Variants in GHRL observed in about 807,000 individuals in gnomAD.
GHRL encodes appetite-regulating hormone.
A neutral mutation model predicts 16.9 loss-of-function variants in GHRL; 24 were observed. The observed-to-expected ratio is 1.42, with a 90% confidence interval of 1.03 to 2.00. The LOEUF is 2.00. GHRL is among the 30% of genes most tolerant of loss of function. The pLI is 0.00. For synonymous variants in GHRL, 63 were observed against 58.2 expected (o/e 1.08, Z -0.37); for missense variants, 193 against 142.1 (o/e 1.36, Z -1.82).
chr3:10,291,403 T>C lies in GHRL; in HGVS notation c.-717A>G, dbSNP rs1044670926. On this transcript the variant is annotated 5_prime_UTR_variant, in exon 2 of 6. Transcript: ENST00000335542. ...TTGCCTTGCCTCCCTCCAGCAGCTT[T>C]GGTCCCTATTTTAGCGGATGCCTCT... The C allele has an allele frequency of 3.0e-6, 3 of 985,578 alleles. No homozygotes were observed. Among genetic ancestry groups the C allele is most frequent in the East Asian group, 1.1e-4 (1 of 8,816 alleles). 61.1% of individuals were successfully genotyped at this position (985,578 alleles called of 1,614,324 possible).
intron 4 of GHRL, among the ~76,000 whole-genome samples, chr3:10,288,703 A>G (rs1385557260): frequency 1.3e-5 from 2 of 152,204 alleles, no homozygotes; most frequent in African/African-American, 4.8e-5. Flanking sequence ...CGACGGCTTT[A>G]TTCCTCGACT....
intron 4 of GHRL, 44 bp downstream of exon 4, chr3:10,289,718 C>G: frequency 8.2e-7 from 1 of 1,223,026 alleles, no homozygotes; most frequent in Non-Finnish European, 1.2e-6. Flanking sequence ...CCTGACCCCA[C>G]CCTCCTCGCT....
At chr3:10,289,171 G>A (rs970979492) in intron 4 of GHRL, among the ~76,000 whole-genome samples, 1 of 152,224 alleles carries the variant, frequency 6.6e-6, no homozygotes, top group Non-Finnish European at 1.5e-5. Flanking sequence ...AGAAAACCCC[G>A]TAAAATCCTT....
chr3:10,286,621 TG>T (rs1699110525), intron 5 of GHRL, 82 bp downstream of exon 5: 1 of 722,120 alleles, frequency 1.4e-6, no homozygotes, highest in Admixed American at 2.2e-5. Flanking sequence ...AGGCAGAGGT[TG>T]GGGAAAACTC....
chr3:10,285,981 G>T, intron 5 of GHRL, 87 bp from the exon 6 acceptor site: 2 of 1,193,696 alleles, frequency 1.7e-6, no homozygotes, highest in South Asian at 1.3e-5. Flanking sequence ...GAGGTGGGAT[G>T]TAATGGTGGG....
rs955771013 is a variant in GHRL, at chr3:10,291,479, C to T, written c.-765-28G>A. On this transcript the variant is annotated intron_variant, in intron 1 of 5. Transcript: ENST00000335542. Reference sequence around the variant, plus strand: ...GGAGGTGGAAGATCTACGCTTAGCACGGGCCTGGCTCCTCTCTCATTGACT... The same window carrying T: ...GGAGGTGGAAGATCTACGCTTAGCATGGGCCTGGCTCCTCTCTCATTGACT... 39 of 985,038 alleles carry T rather than the reference C, an allele frequency of 4.0e-5. No homozygotes were observed. The African/African-American group carries it at 4.5e-4, about 11-fold the overall frequency. 61.0% of individuals were successfully genotyped at this position (985,038 alleles called of 1,614,324 possible).
rs1314958419 is a variant in GHRL, at chr3:10,291,099, T to C, written c.-413A>G. 1.0e-6 allele frequency: 1 copy of C among 985,562 alleles called. No individual in the cohort carries two copies. Among genetic ancestry groups the C allele is most frequent in the East Asian group, 1.1e-4 (1 of 8,838 alleles). The allele number at this position is 985,562 out of a possible 1,614,324, so 61.1% of individuals were successfully genotyped here. ...CTCCCTGGGTAAAATGAGGCTGTCATCACTAGGAGAGCTCTGAGACCTCCC... is the reference window on the plus strand; with the variant it reads ...CTCCCTGGGTAAAATGAGGCTGTCACCACTAGGAGAGCTCTGAGACCTCCC... On this transcript the variant is annotated 5_prime_UTR_variant, in exon 2 of 6. It removes an upstream start codon present in the reference 5' UTR. Coordinates refer to ENST00000335542, the MANE Select transcript of GHRL (RefSeq NM_016362.5).
intron 4 of GHRL, chr3:10,288,055 G>A (rs1052550265): frequency 3.3e-5 from 5 of 151,834 alleles, no homozygotes; most frequent in African/African-American, 7.3e-5. Context: ...CAGGAGCACC[G>A]GTCTGGGAAA....
In GHRL at chr3:10,290,930, G is replaced by C; in HGVS notation, c.-244C>G. 1 of 985,744 alleles carries C rather than the reference G, an allele frequency of 1.0e-6. No homozygotes were observed. Among genetic ancestry groups the C allele is most frequent in the Non-Finnish European group, 1.2e-6 (1 of 830,084 alleles). The allele number at this position is 985,744 out of a possible 1,614,324, so 61.1% of individuals were successfully genotyped here. On this transcript the variant is annotated 5_prime_UTR_variant, in exon 2 of 6. Coordinates refer to ENST00000335542, the MANE Select transcript of GHRL (RefSeq NM_016362.5). ...CGGAATTGCTGGGTTGGCGAGGGAA[G>C]AAGCATGTGCTCCAGCTGTCCCTGG...
At chr3:10,287,634 A>C (rs1699273177) in intron 4 of GHRL, among the ~76,000 whole-genome samples, 1 of 152,174 alleles carries the variant, frequency 6.6e-6, no homozygotes, top group Non-Finnish European at 1.5e-5. Context: ...TTTGGTCCTC[A>C]CAGTAGAAGC....
In GHRL at chr3:10,286,020, C is replaced by A. The variant is rs558796070; in HGVS notation, c.335-126G>T. On this transcript the variant is annotated intron_variant, in intron 5 of 5. Coordinates refer to ENST00000335542, the MANE Select transcript of GHRL (RefSeq NM_016362.5). ...TGTGGGGAAGCACTGGCCTTGGAGT[C>A]AGAGGGCGGCACTCAAGTGTGGACT... 3 of 804,186 alleles carry A rather than the reference C, an allele frequency of 3.7e-6. No individual in the cohort carries two copies. The South Asian group carries it at 4.7e-5, about 13-fold the overall frequency. 49.8% of individuals were successfully genotyped at this position (804,186 alleles called of 1,614,324 possible). A position where few individuals can be genotyped will look rare whatever the true frequency, so the allele number is the denominator to read the frequency against.
intron 4 of GHRL, chr3:10,287,895 T>C (rs1282450483): frequency 3.6e-5 from 5 of 140,766 alleles, no homozygotes; most frequent in Non-Finnish European, 7.6e-5. Flanking sequence ...GTGGACCCAG[T>C]GGGGAATGAC....
chr3:10,292,776 T>A, intron 1 of GHRL, 66 bp downstream of exon 1: 1 of 953,186 alleles, frequency 1.0e-6, no homozygotes, highest in Non-Finnish European at 1.6e-6. Flanking sequence ...AAAAAAAAAA[T>A]CCCCAAACAG....
intron 2 of GHRL, 107 bp from the exon 3 acceptor site, chr3:10,290,316 T>C (rs942508501): frequency 7.4e-6 from 8 of 1,087,456 alleles, no homozygotes; most frequent in Middle Eastern, 3.0e-4. Context: ...CCATCTGGGG[T>C]CCTGACTGCT....
intron 5 of GHRL, among the ~76,000 whole-genome samples, chr3:10,286,144 G>A (rs1559470443): frequency 6.6e-6 from 1 of 152,218 alleles, no homozygotes; most frequent in Non-Finnish European, 1.5e-5. Flanking sequence ...GGGGTGACGG[G>A]TCACCGCCTT....
rs1576059213 is a variant in GHRL at position 10,288,972 on chromosome 3, C to T, written c.225+790G>A. Among the ~76,000 whole-genome samples, 3 of 152,170 alleles carry T rather than the reference C, an allele frequency of 2.0e-5. 1 individual carries two copies. Among genetic ancestry groups the T allele is most frequent in the South Asian group, 4.1e-4 (2 of 4,832 alleles). The stretch of plus-strand genomic sequence containing the variant: ...GTGGGAGTAATGCCAGCCCTGCTTA[C>T]CTCACAGGTTGTCGTAGGGAGGAGG... On this transcript the variant is annotated intron_variant, in intron 4 of 5. Transcript: ENST00000335542.
At chr3:10,287,867 C>G (rs150776695) in intron 4 of GHRL, 49 of 152,362 alleles carry the variant, frequency 3.2e-4, no homozygotes, top group Non-Finnish European at 5.1e-4. Context: ...TCTCCCTCCC[C>G]TTAACTCCAC....
At chr3:10,290,019 G>T in intron 3 of GHRL, 54 bp downstream of exon 3, 1 of 1,597,916 alleles carries the variant, frequency 6.3e-7, no homozygotes, top group Non-Finnish European at 8.6e-7. Context: ...CACAGAGCTG[G>T]TTGCTAAGTG....
At chr3:10,290,482 A>C (rs1699836480) in intron 2 of GHRL, 1 of 362,580 alleles carries the variant, frequency 2.8e-6, no homozygotes. Flanking sequence ...CTGAGAGCTC[A>C]TGGCGAGTCT....
Sources: allele counts gnomAD v4.1 joint callset (sites outside exome capture counted in the v4.1 genomes callset), GRCh38; gene constraint gnomAD v4.1.1; transcripts MANE v1.5; gene names NCBI Gene and HGNC (gene_info 2026-07-23, HGNC 2026-07-21).